Variants in CCBE1 observed in about 807,000 individuals in gnomAD.
The protein encoded by CCBE1 is collagen and calcium binding EGF domains 1.
A neutral mutation model predicts 50.0 loss-of-function variants in CCBE1; 37 were observed. That is an observed-to-expected ratio of 0.74 (90% CI 0.57 to 0.97). The LOEUF (loss-of-function observed/expected upper bound fraction) is 0.97, where lower values mean the gene tolerates loss of function less well. Among genes scored for constraint, CCBE1 ranks in the 50% least tolerant of loss-of-function variants. The probability of loss-of-function intolerance (pLI) is 0.00; values close to 1 mark genes in which losing one functional copy is unlikely to be tolerated. For synonymous variants in CCBE1, 234 were observed against 203.7 expected, an observed-to-expected ratio of 1.15 and a Z score of -1.27; for missense variants, 538 against 523.8, an observed-to-expected ratio of 1.03 and a Z score of -0.26.
chr18:59,507,786 G>C (rs925276954), intron 2 of CCBE1, among the ~76,000 whole-genome samples: 1 of 152,158 alleles, frequency 6.6e-6, no homozygotes, highest in Non-Finnish European at 1.5e-5. Flanking sequence ...GTGATTAACA[G>C]TAAGTATATA....
intron 3 of CCBE1, among the ~76,000 whole-genome samples, chr18:59,470,279 A>G (rs1911968445): frequency 6.6e-6 from 1 of 152,086 alleles, no homozygotes; most frequent in Non-Finnish European, 1.5e-5. Flanking sequence ...TCCCCATCAG[A>G]TCTCGTGAGA....
intron 2 of CCBE1, among the ~76,000 whole-genome samples, chr18:59,612,864 G>C (rs1369967740): frequency 7.1e-6 from 1 of 140,398 alleles, no homozygotes; most frequent in Non-Finnish European, 1.5e-5. Context: ...TTTAATGTCT[G>C]TTAGATGGCT....
chr18:59,440,182 A>G (rs1910355316), intron 7 of CCBE1, among the ~76,000 whole-genome samples: 1 of 152,184 alleles, frequency 6.6e-6, no homozygotes, highest in African/African-American at 2.4e-5. Context: ...ATCACAGCAG[A>G]GTAGTGGCCA....
At chr18:59,547,040 AG>A (rs1384062789) in intron 2 of CCBE1, among the ~76,000 whole-genome samples, 1 of 50,938 alleles carries the variant, frequency 2.0e-5, no homozygotes, top group Non-Finnish European at 3.4e-5. Flanking sequence ...AGAGAAAGAG[AG>A]GGGGAGAGAG....
intron 2 of CCBE1, among the ~76,000 whole-genome samples, chr18:59,546,326 C>T (rs943282032): frequency 1.3e-5 from 2 of 152,166 alleles, no homozygotes; most frequent in African/African-American, 4.8e-5. Context: ...CATGAATCAC[C>T]CCTCATATTC....
At chr18:59,519,001 G>A (rs1312186446) in intron 2 of CCBE1, among the ~76,000 whole-genome samples, 3 of 152,134 alleles carry the variant, frequency 2.0e-5, no homozygotes, top group African/African-American at 4.8e-5. Context: ...CACTCTACTG[G>A]CTGACTTCCC....
At chr18:59,467,896 C>T (rs1911828621) in intron 4 of CCBE1, among the ~76,000 whole-genome samples, 1 of 152,146 alleles carries the variant, frequency 6.6e-6, no homozygotes, top group African/African-American at 2.4e-5. Context: ...AACTATGTCA[C>T]CTGTAGACCG....
intron 2 of CCBE1, among the ~76,000 whole-genome samples, chr18:59,686,514 C>G (rs1467185338): frequency 6.6e-6 from 1 of 152,242 alleles, no homozygotes; most frequent in Non-Finnish European, 1.5e-5. Flanking sequence ...CAAGCTAGAA[C>G]AGCTTCTGAC....
chr18:59,670,177 C>A (rs2054413235), intron 2 of CCBE1, among the ~76,000 whole-genome samples: 1 of 151,574 alleles, frequency 6.6e-6, no homozygotes, highest in Non-Finnish European at 1.5e-5. Flanking sequence ...ACATAAGTGG[C>A]AAAACTCAGA....
At chr18:59,645,654 A>C (rs996869181) in intron 2 of CCBE1, among the ~76,000 whole-genome samples, 1 of 152,208 alleles carries the variant, frequency 6.6e-6, no homozygotes, top group Non-Finnish European at 1.5e-5. Flanking sequence ...ATCTGTAGCC[A>C]GCACCCTCCC....
At chr18:59,685,612 C>T (rs892981619) in intron 2 of CCBE1, among the ~76,000 whole-genome samples, 12 of 152,218 alleles carry the variant, frequency 7.9e-5, no homozygotes, top group African/African-American at 2.7e-4. Context: ...ATTCCTGGTG[C>T]CTGGCAACCA....
chr18:59,661,972 A>AAT (rs1421649655), intron 2 of CCBE1, among the ~76,000 whole-genome samples: 2 of 150,232 alleles, frequency 1.3e-5, no homozygotes, highest in African/African-American at 4.9e-5. Context: ...GTCTTAAAAA[A>AAT]AAAAAATCAC....
At chr18:59,536,801 A>T (rs1349973870) in intron 2 of CCBE1, among the ~76,000 whole-genome samples, 1 of 152,126 alleles carries the variant, frequency 6.6e-6, no homozygotes, top group African/African-American at 2.4e-5. Flanking sequence ...CATCCTGGCC[A>T]ACATGGTGAA....
intron 2 of CCBE1, among the ~76,000 whole-genome samples, chr18:59,543,460 A>T (rs893898173): frequency 1.3e-5 from 2 of 152,224 alleles, no homozygotes; most frequent in Non-Finnish European, 2.9e-5. Context: ...ATTTTCAGGT[A>T]AGCTGTGCAA....
intron 6 of CCBE1, 142 bp downstream of exon 6, chr18:59,454,709 C>A: frequency 3.9e-6 from 3 of 774,264 alleles, no homozygotes; most frequent in Non-Finnish European, 6.6e-6. Context: ...GCAAAACATC[C>A]CAAGTCCATG....
At chr18:59,629,603 C>T (rs1435210786) in intron 2 of CCBE1, among the ~76,000 whole-genome samples, 1 of 152,134 alleles carries the variant, frequency 6.6e-6, no homozygotes, top group East Asian at 1.9e-4. Flanking sequence ...GGAGTGGTAA[C>T]GGGAAGTTAT....
Position 59,480,305 on chromosome 18 carries a change from T to A in CCBE1, c.213-67A>T. Reference sequence around the variant, plus strand: ...AAAATAAAATTCTTTCCAGTTATTGTTGTTTGAATGAAATAACTTGTGCCC... The same window carrying A: ...AAAATAAAATTCTTTCCAGTTATTGATGTTTGAATGAAATAACTTGTGCCC... On this transcript the variant is annotated intron_variant, in intron 2 of 10. Coordinates refer to ENST00000439986, the MANE Select transcript of CCBE1 (RefSeq NM_133459.4). 7 of 1,223,768 alleles carry A rather than the reference T, an allele frequency of 5.7e-6. No homozygotes were observed. The South Asian group carries it at 8.9e-5, about 16-fold the overall frequency. The allele number at this position is 1,223,768 out of a possible 1,614,324, so 75.8% of individuals were successfully genotyped here.
intron 2 of CCBE1, among the ~76,000 whole-genome samples, chr18:59,554,650 T>C (rs1056659054): frequency 6.6e-6 from 1 of 152,214 alleles, no homozygotes; most frequent in Non-Finnish European, 1.5e-5. Context: ...CAACACTGGC[T>C]AACTCTTAAG....
At chr18:59,692,901 G>A (rs2852356) in intron 2 of CCBE1, among the ~76,000 whole-genome samples, 126,081 of 150,550 alleles carry the variant, frequency 0.84, 53,485 homozygotes, top group Admixed American at 0.92. Flanking sequence ...AAATCACAGC[G>A]AGTTTTTAAA....
Sources: gnomAD v4.1 joint callset for allele counts (sites outside exome capture counted in the v4.1 genomes callset) on GRCh38, gnomAD v4.1.1 for gene constraint, MANE v1.5 for transcripts, NCBI Gene and HGNC (gene_info 2026-07-23, HGNC 2026-07-21) for gene names.